Variants in DENND1B observed in about 807,000 individuals in gnomAD.
DENND1B encodes DENN domain-containing protein 1B.
A neutral mutation model predicts 90.1 loss-of-function variants in DENND1B; 59 were observed. The ratio of observed to expected loss-of-function variants is 0.65; its 90% CI spans 0.53 to 0.81. DENND1B has a LOEUF of 0.81. DENND1B is among the 40% of genes least tolerant of loss of function. The pLI is 0.00. For missense variants in DENND1B, 862 were observed against 912.6 expected, an observed-to-expected ratio of 0.94 and a Z score of 0.71; for synonymous variants, 337 against 324.6, an observed-to-expected ratio of 1.04 and a Z score of -0.41.
At chr1:197,546,904 C>A in intron 16 of DENND1B, 131 bp from the exon 17 acceptor site, 1 of 680,978 alleles carries the variant, frequency 1.5e-6, no homozygotes, top group Non-Finnish European at 2.4e-6. Context: ...AAAAGTAGTT[C>A]TAATAAAATC....
chr1:197,605,083 T>G (rs1167935731), intron 13 of DENND1B, among the ~76,000 whole-genome samples: 2 of 150,050 alleles, frequency 1.3e-5, no homozygotes, highest in African/African-American at 2.4e-5. Flanking sequence ...TTCAAGCATA[T>G]ATTTAGTTAA....
chr1:197,584,042 AAC>A (rs1674480129), intron 14 of DENND1B, among the ~76,000 whole-genome samples: 1 of 152,214 alleles, frequency 6.6e-6, no homozygotes, highest in African/African-American at 2.4e-5. Flanking sequence ...CAAAAATGAA[AAC>A]ACAGATGAAT....
chr1:197,699,082 A>T (rs1658753836), intron 3 of DENND1B, among the ~76,000 whole-genome samples: 1 of 152,172 alleles, frequency 6.6e-6, no homozygotes, highest in South Asian at 2.1e-4. Flanking sequence ...TAATCCTGAT[A>T]CCAAAATCAG....
intron 14 of DENND1B, among the ~76,000 whole-genome samples, chr1:197,591,649 A>G (rs1675213797): frequency 6.6e-6 from 1 of 152,134 alleles, no homozygotes; most frequent in African/African-American, 2.4e-5. Context: ...ATAAATATCA[A>G]ATAATTTCTC....
At chr1:197,683,244 A>C (rs561664143) in intron 3 of DENND1B, among the ~76,000 whole-genome samples, 1 of 152,322 alleles carries the variant, frequency 6.6e-6, no homozygotes, top group African/African-American at 2.4e-5. Context: ...CTGAAAAATA[A>C]ATTAATAAAT....
At chr1:197,546,862 T>A in intron 16 of DENND1B, 89 bp from the exon 17 acceptor site, 1 of 1,159,244 alleles carries the variant, frequency 8.6e-7, no homozygotes, top group Non-Finnish European at 1.2e-6. Flanking sequence ...ATTTGCACAA[T>A]TTTTAGTAGG....
intron 12 of DENND1B, 84 bp from the exon 13 acceptor site, chr1:197,607,258 C>T: frequency 1.1e-6 from 1 of 882,816 alleles, no homozygotes; most frequent in Non-Finnish European, 1.6e-6. Context: ...AAAACATTAT[C>T]TTAATGCATT....
chr1:197,652,237 C>T lies in DENND1B; in HGVS notation c.445G>A (p.Val149Met), dbSNP rs1215308888. The change falls in exon 7 of 23, where the codon GTG becomes ATG. Residue 149 changes from valine (V) to methionine (M), a missense_variant and splice_region_variant. By Grantham distance (21) the Val-to-Met change is conservative. Transcript: ENST00000620048. The part of the protein sequence containing the change: ...PKANTPVNLS[V>M]NQEIFIACEQ... ...ACAATTACTGATTGAATACTTACCA[C>T]ACTCAAATTTACAGGAGTATTTGCC... The T allele has an allele frequency of 6.2e-7, 1 of 1,609,668 alleles. No homozygotes were observed. Among genetic ancestry groups the T allele is most frequent in the Non-Finnish European group, 8.5e-7 (1 of 1,178,182 alleles).
At chr1:197,730,050 A>C (rs1195336878) in intron 2 of DENND1B, among the ~76,000 whole-genome samples, 3 of 152,180 alleles carry the variant, frequency 2.0e-5, no homozygotes, top group African/African-American at 7.2e-5. Flanking sequence ...CCCCTAGACT[A>C]CACTTTGAGA....
chr1:197,682,622 A>T (rs1277956877), intron 3 of DENND1B, among the ~76,000 whole-genome samples: 1 of 152,194 alleles, frequency 6.6e-6, no homozygotes, highest in Non-Finnish European at 1.5e-5. Context: ...AATGTGTGGC[A>T]GGTCTAGGAG....
intron 9 of DENND1B, among the ~76,000 whole-genome samples, chr1:197,644,470 G>C (rs1279420259): frequency 1.3e-5 from 2 of 152,178 alleles, no homozygotes; most frequent in African/African-American, 4.8e-5. Flanking sequence ...AAATAGGAGA[G>C]AGAGTAGACG....
At chr1:197,700,228 G>A (rs543852208) in intron 3 of DENND1B, among the ~76,000 whole-genome samples, 1 of 152,222 alleles carries the variant, frequency 6.6e-6, no homozygotes, top group East Asian at 1.9e-4. Flanking sequence ...GTATTACAAG[G>A]CTACAGTAAC....
At chr1:197,529,292 G>GTGTGTA (rs1402351357) in intron 20 of DENND1B, among the ~76,000 whole-genome samples, 2 of 139,540 alleles carry the variant, frequency 1.4e-5, no homozygotes, top group Non-Finnish European at 3.1e-5. Context: ...GTATATATAT[G>GTGTGTA]TATATATGTG....
intron 15 of DENND1B, among the ~76,000 whole-genome samples, chr1:197,565,017 T>C (rs1211335033): frequency 6.6e-6 from 1 of 152,054 alleles, no homozygotes; most frequent in Non-Finnish European, 1.5e-5. Flanking sequence ...CATTTTTTCA[T>C]GTTATAAAAT....
At chr1:197,529,499 CATCT>C (rs1214173740) in intron 20 of DENND1B, among the ~76,000 whole-genome samples, 2 of 151,446 alleles carry the variant, frequency 1.3e-5, no homozygotes, top group African/African-American at 4.9e-5. Flanking sequence ...TAGGGCCATC[CATCT>C]GTTAATGTCG....
intron 13 of DENND1B, among the ~76,000 whole-genome samples, chr1:197,599,293 G>C (rs566513937): frequency 6.6e-6 from 1 of 151,808 alleles, no homozygotes; most frequent in Non-Finnish European, 1.5e-5. Flanking sequence ...TTAACTTTTA[G>C]ATGTGATTTC....
In DENND1B at chr1:197,693,354, C is replaced by A. The variant is rs1488818120; in HGVS notation, c.127-19185G>T. 5.9e-5 allele frequency among the ~76,000 whole-genome samples: 9 copies of A among 151,662 alleles called. No homozygotes were observed. In the South Asian group the frequency reaches 1.9e-3, roughly 31 times the overall value. On this transcript the variant is annotated intron_variant, in intron 3 of 22. Transcript: ENST00000620048. ...ATTCATACTTTAAATAAAACATTCACCATCACAGTTAGTTAAAATGCTTAA... is the reference window on the plus strand; with the variant it reads ...ATTCATACTTTAAATAAAACATTCAACATCACAGTTAGTTAAAATGCTTAA...
chr1:197,678,782 C>T (rs915891492), intron 3 of DENND1B, among the ~76,000 whole-genome samples: 8 of 152,038 alleles, frequency 5.3e-5, no homozygotes, highest in Non-Finnish European at 1.0e-4. Flanking sequence ...TGAGAATATG[C>T]AGTGTTTGGT....
chr1:197,626,333 C>G (rs1678719514), intron 10 of DENND1B, among the ~76,000 whole-genome samples: 1 of 152,148 alleles, frequency 6.6e-6, no homozygotes, highest in Admixed American at 6.5e-5. Context: ...TCTCAGACCA[C>G]AGGGCAATCG....
Sources: gnomAD v4.1 joint callset for allele counts (sites outside exome capture counted in the v4.1 genomes callset) on GRCh38, gnomAD v4.1.1 for gene constraint, MANE v1.5 for transcripts, NCBI Gene and HGNC (gene_info 2026-07-23, HGNC 2026-07-21) for gene names.